The following CTNNA2 variants were observed in gnomAD, a reference collection of about 807,000 sequenced individuals.
The protein encoded by CTNNA2 is catenin alpha 2.
A neutral mutation model predicts 101.0 loss-of-function variants in CTNNA2; 42 were observed. That is an observed-to-expected ratio of 0.42 (90% CI 0.32 to 0.54). The LOEUF (loss-of-function observed/expected upper bound fraction) is 0.54, where lower values mean the gene tolerates loss of function less well. CTNNA2 is among the 20% of genes least tolerant of loss of function. The pLI, the probability that CTNNA2 is intolerant of heterozygous loss-of-function variation, is 0.14. For synonymous variants in CTNNA2, 450 were observed against 456.4 expected, an observed-to-expected ratio of 0.99 and a Z score of 0.18; for missense variants, 871 against 1,223.1, an observed-to-expected ratio of 0.71 and a Z score of 4.29.
At chr2:80,559,148 A>G (rs1693325345) in intron 12 of CTNNA2, among the ~76,000 whole-genome samples, 1 of 152,202 alleles carries the variant, frequency 6.6e-6, no homozygotes, top group African/African-American at 2.4e-5. Context: ...ACTGAGCATT[A>G]CTGCCCTAAA....
At chr2:79,775,750 G>T (rs984703864) in intron 3 of CTNNA2, among the ~76,000 whole-genome samples, 1 of 152,234 alleles carries the variant, frequency 6.6e-6, no homozygotes, top group East Asian at 1.9e-4. Flanking sequence ...TTATTCTTGA[G>T]TTTTTTGGTA....
chr2:80,418,504 T>C (rs1262966957), intron 8 of CTNNA2, among the ~76,000 whole-genome samples: 6 of 152,200 alleles, frequency 3.9e-5, no homozygotes, highest in Non-Finnish European at 8.8e-5. Context: ...AACTAAGTTA[T>C]ACATACTTTC....
intron 9 of CTNNA2, among the ~76,000 whole-genome samples, chr2:80,513,126 C>T (rs1397547970): frequency 6.6e-6 from 1 of 152,170 alleles, no homozygotes; most frequent in Non-Finnish European, 1.5e-5. Context: ...TCCTGTGGTC[C>T]TGATACCAGA....
chr2:79,893,657 G>A (rs1412786602), intron 6 of CTNNA2, among the ~76,000 whole-genome samples: 1 of 152,148 alleles, frequency 6.6e-6, no homozygotes, highest in East Asian at 1.9e-4. Flanking sequence ...TAAATCATAT[G>A]TATCAGTCTT....
At chr2:79,763,928 A>G (rs1469845494) in intron 3 of CTNNA2, among the ~76,000 whole-genome samples, 1 of 152,208 alleles carries the variant, frequency 6.6e-6, no homozygotes, top group Non-Finnish European at 1.5e-5. Context: ...TTTGTTGGCC[A>G]TGTAGTATTT....
chr2:79,579,771 C>T (rs746746570), intron 1 of CTNNA2, among the ~76,000 whole-genome samples: 11 of 152,062 alleles, frequency 7.2e-5, no homozygotes, highest in African/African-American at 9.7e-5. Context: ...TGTACCACCA[C>T]GCCTGGCTAA....
intron 7 of CTNNA2, among the ~76,000 whole-genome samples, chr2:80,347,537 CCTT>C (rs1460022014): frequency 1.3e-5 from 2 of 152,122 alleles, no homozygotes; most frequent in Non-Finnish European, 2.9e-5. Context: ...GCACAGCGCT[CCTT>C]AGACTCTCAG....
At chr2:80,595,600 A>G (rs751264395) in intron 15 of CTNNA2, among the ~76,000 whole-genome samples, 50 of 152,334 alleles carry the variant, frequency 3.3e-4, no homozygotes, top group South Asian at 8.3e-4. Flanking sequence ...GAATAAAGTA[A>G]GCTGTGGGTT....
chr2:80,349,114 T>C, intron 7 of CTNNA2, among the ~76,000 whole-genome samples: 1 of 152,314 alleles, frequency 6.6e-6, no homozygotes, highest in East Asian at 1.9e-4. Flanking sequence ...TGTTAAATGA[T>C]AGCTTCCAGA....
chr2:80,529,415 G>A (rs938823564), intron 9 of CTNNA2, among the ~76,000 whole-genome samples: 6 of 152,080 alleles, frequency 3.9e-5, no homozygotes, highest in Non-Finnish European at 8.8e-5. Context: ...GAAATAATAG[G>A]TATTAAGACA....
chr2:79,196,005 C>T (rs1005977621), intron 1 of CTNNA2, among the ~76,000 whole-genome samples: 4 of 152,172 alleles, frequency 2.6e-5, no homozygotes, highest in Admixed American at 2.0e-4. Context: ...GATGCGATCT[C>T]GGCTCAATGC....
intron 7 of CTNNA2, among the ~76,000 whole-genome samples, chr2:80,320,717 C>T (rs1276095429): frequency 6.6e-6 from 1 of 152,288 alleles, no homozygotes; most frequent in Middle Eastern, 3.4e-3. Context: ...AGATCTCATA[C>T]ATAATATTTT....
At chr2:79,821,754 T>G (rs544822105) in intron 3 of CTNNA2, among the ~76,000 whole-genome samples, 2 of 152,298 alleles carry the variant, frequency 1.3e-5, no homozygotes, top group African/African-American at 4.8e-5. Context: ...AAAATCAAGG[T>G]GTACATCCCA....
chr2:80,262,102 A>G (rs568252208), intron 7 of CTNNA2, among the ~76,000 whole-genome samples: 19 of 152,242 alleles, frequency 1.2e-4, no homozygotes, highest in African/African-American at 4.6e-4. Flanking sequence ...TATATAAAGG[A>G]CATTAAGTCA....
At chr2:80,473,231 G>A (rs1685448892) in intron 9 of CTNNA2, among the ~76,000 whole-genome samples, 1 of 152,166 alleles carries the variant, frequency 6.6e-6, no homozygotes, top group Non-Finnish European at 1.5e-5. Flanking sequence ...TGAGCTGGAA[G>A]CCAGATCATT....
intron 9 of CTNNA2, among the ~76,000 whole-genome samples, chr2:80,451,030 C>T (rs1683461377): frequency 1.3e-5 from 2 of 151,878 alleles, no homozygotes; most frequent in South Asian, 4.2e-4. Flanking sequence ...GAAATATATA[C>T]ATACACTTAC....
At chr2:79,724,699 C>A in intron 2 of CTNNA2, among the ~76,000 whole-genome samples, 1 of 151,210 alleles carries the variant, frequency 6.6e-6, no homozygotes, top group Non-Finnish European at 1.5e-5. Flanking sequence ...CCTGTAGTCC[C>A]AGCTACTTTG....
chr2:80,185,305 G>A (rs6750757), intron 7 of CTNNA2, among the ~76,000 whole-genome samples: 99,577 of 152,122 alleles, frequency 0.65, 33,376 homozygotes, highest in African/African-American at 0.8. Context: ...CAGACTGAGC[G>A]AGTCAGAGGG....
intron 7 of CTNNA2, among the ~76,000 whole-genome samples, chr2:79,917,495 G>T (rs1490616992): frequency 6.6e-6 from 1 of 152,140 alleles, no homozygotes; most frequent in East Asian, 1.9e-4. Context: ...TACATAGTTG[G>T]CACGGAAGTC....
Sources: allele counts gnomAD v4.1 joint callset (sites outside exome capture counted in the v4.1 genomes callset), GRCh38; gene constraint gnomAD v4.1.1; transcripts MANE v1.5; gene names NCBI Gene and HGNC (gene_info 2026-07-23, HGNC 2026-07-21).